PCDH15: variants seen among roughly 807,000 people sequenced by gnomAD.
PCDH15 encodes protocadherin-15.
PCDH15 carries 129 observed loss-of-function variants against 178.5 expected under a neutral mutation model. The observed-to-expected ratio is 0.72, with a 90% CI of 0.63 to 0.84. The LOEUF (loss-of-function observed/expected upper bound fraction) is 0.84, where lower values mean the gene tolerates loss of function less well. Among genes scored for constraint, PCDH15 ranks in the 40% least tolerant of loss-of-function variants. PCDH15 has a pLI of 0.00. For missense variants in PCDH15, 2,230 were observed against 2,099.9 expected, an observed-to-expected ratio of 1.06 and a Z score of -1.21; for synonymous variants, 800 against 732.0, an observed-to-expected ratio of 1.09 and a Z score of -1.50.
chr10:53,989,337 C>T (rs1342142562), intron 21 of PCDH15, among the ~76,000 whole-genome samples: 2 of 151,936 alleles, frequency 1.3e-5, no homozygotes, highest in Non-Finnish European at 2.9e-5. Context: ...AGAAAAATGC[C>T]CCTTTAGCTC....
At chr10:53,881,077 G>T (rs1025882481) in intron 26 of PCDH15, among the ~76,000 whole-genome samples, 1 of 152,024 alleles carries the variant, frequency 6.6e-6, no homozygotes. Context: ...TTTATAACAT[G>T]ATGTATTTTG....
At chr10:55,116,908 A>G (rs1451350886) in intron 2 of PCDH15, among the ~76,000 whole-genome samples, 2 of 152,188 alleles carry the variant, frequency 1.3e-5, no homozygotes, top group South Asian at 2.1e-4. Flanking sequence ...CTGAAGACAC[A>G]TGGAACAGAA....
At chr10:55,506,638 C>T (rs1045094092) in intron 2 of PCDH15, among the ~76,000 whole-genome samples, 2 of 151,438 alleles carry the variant, frequency 1.3e-5, no homozygotes, top group African/African-American at 2.4e-5. Context: ...ATTTTGAAAA[C>T]TCGACACTTT....
chr10:53,855,920 A>ATATATATATATATATGTGTGTGTGTGTG lies in PCDH15; in HGVS notation c.3806+1254_3806+1255insCACACACACACACATATATATATATATA, dbSNP rs1201156130. ...AGGTGATATGTATATATATATATATATGTATGTGTGTGTGTGTAATGAAAT... is the reference window on the plus strand; with the variant it reads ...AGGTGATATGTATATATATATATATATATATATATATATATGTGTGTGTGTGTGTGTATGTGTGTGTGTGTAATGAAAT... On this transcript the variant is annotated intron_variant, in intron 28 of 37. Transcript: ENST00000644397. Among the ~76,000 whole-genome samples the ATATATATATATATATGTGTGTGTGTGTG allele has an allele frequency of 1.6e-3, 230 of 140,368 alleles. 4 individuals carry two copies. Among genetic ancestry groups the ATATATATATATATATGTGTGTGTGTGTG allele is most frequent in the Admixed American group, 2.8e-3 (38 of 13,534 alleles). The allele number at this position is 140,368 out of a possible 152,430, so 92.1% of individuals were successfully genotyped here.
intron 2 of PCDH15, among the ~76,000 whole-genome samples, chr10:54,647,930 A>G (rs1590811936): frequency 6.6e-6 from 1 of 152,036 alleles, no homozygotes; most frequent in Non-Finnish European, 1.5e-5. Context: ...AAAAACAAAC[A>G]AAACAAATAA....
chr10:54,023,261 G>T lies in PCDH15; in HGVS notation c.2221-64C>A, dbSNP rs546047412. 3.4e-6 allele frequency: 5 copies of T among 1,456,518 alleles called. No individual in the cohort carries two copies. In the Admixed American group the frequency reaches 7.2e-5, roughly 21 times the overall value. The allele number at this position is 1,456,518 out of a possible 1,614,324, so 90.2% of individuals were successfully genotyped here. ...GTTTTGACGGGCTACTGTAAATGAA[G>T]GTAACAGTTAACAAATTATGGTATT... On this transcript the variant is annotated intron_variant, in intron 18 of 37. Coordinates refer to ENST00000644397, the MANE Select transcript of PCDH15 (RefSeq NM_001384140.1).
At chr10:54,263,756 T>C (rs981800025) in intron 8 of PCDH15, among the ~76,000 whole-genome samples, 6 of 73,474 alleles carry the variant, frequency 8.2e-5, no homozygotes, top group Admixed American at 5.4e-4. Flanking sequence ...TGATGGTTAA[T>C]ATTGAGTGTC....
intron 2 of PCDH15, among the ~76,000 whole-genome samples, chr10:54,580,402 A>T (rs567438046): frequency 2.6e-5 from 4 of 152,060 alleles, no homozygotes; most frequent in African/African-American, 9.7e-5. Flanking sequence ...CAACCTCCCC[A>T]AATTGAATCA....
intron 2 of PCDH15, among the ~76,000 whole-genome samples, chr10:55,033,829 C>T (rs369677257): frequency 3.9e-5 from 6 of 151,982 alleles, no homozygotes; most frequent in Admixed American, 1.3e-4. Flanking sequence ...GAAATTCAGG[C>T]GTTGCCAATG....
chr10:55,561,593 T>C (rs906868344), intron 2 of PCDH15, among the ~76,000 whole-genome samples: 2 of 151,920 alleles, frequency 1.3e-5, no homozygotes, highest in African/African-American at 2.4e-5. Flanking sequence ...AATAGGCCTC[T>C]TAATCCACTT....
At position 54,473,748 on chromosome 10, in the gene PCDH15, T is replaced by C. The variant is rs143075003; in HGVS notation, c.157+54064A>G. On this transcript the variant is annotated intron_variant, in intron 3 of 37. Transcript: ENST00000644397. ...AGGTTATTATTTTATTATCTTCAAG[T>C]AAACAAGAAATACATGAGTAACCCT... Among the ~76,000 whole-genome samples the C allele has an allele frequency of 5.3e-5, 8 of 152,002 alleles. No homozygotes were observed. In the East Asian group the frequency reaches 1.2e-3, roughly 22 times the overall value.
chr10:54,787,376 T>C (rs1312742330), intron 1 of PCDH15, among the ~76,000 whole-genome samples: 1 of 152,026 alleles, frequency 6.6e-6, no homozygotes, highest in Non-Finnish European at 1.5e-5. Flanking sequence ...GCATTTATTT[T>C]TCAAGTTTTG....
intron 3 of PCDH15, among the ~76,000 whole-genome samples, chr10:54,399,121 A>G (rs1239257837): frequency 1.3e-5 from 2 of 151,998 alleles, no homozygotes; most frequent in Non-Finnish European, 2.9e-5. Context: ...CTTTTTAGAA[A>G]CCATTTTGAA....
intron 14 of PCDH15, among the ~76,000 whole-genome samples, chr10:54,135,202 C>CAAA (rs11299964): frequency 2.5e-5 from 3 of 118,190 alleles, no homozygotes; most frequent in Admixed American, 9.2e-5. Flanking sequence ...GACTCTGTCT[C>CAAA]AAAAAAAAAA....
intron 1 of PCDH15, among the ~76,000 whole-genome samples, chr10:55,282,510 T>C (rs1389487031): frequency 1.3e-5 from 2 of 152,198 alleles, no homozygotes; most frequent in African/African-American, 2.4e-5. Context: ...TATACACATA[T>C]ATAAATTATC....
At chr10:54,358,792 A>G (rs1296978712) in intron 5 of PCDH15, among the ~76,000 whole-genome samples, 1 of 152,014 alleles carries the variant, frequency 6.6e-6, no homozygotes, top group Non-Finnish European at 1.5e-5. Flanking sequence ...CTGGATTAAG[A>G]AAATGTGGCA....
chr10:55,209,567 G>T (rs1177784322), intron 1 of PCDH15, among the ~76,000 whole-genome samples: 1 of 151,986 alleles, frequency 6.6e-6, no homozygotes, highest in Non-Finnish European at 1.5e-5. Context: ...TCATAACTTA[G>T]TATTGGTTTG....
intron 2 of PCDH15, among the ~76,000 whole-genome samples, chr10:54,965,169 G>T (rs1256236904): frequency 6.6e-6 from 1 of 152,106 alleles, no homozygotes; most frequent in East Asian, 1.9e-4. Context: ...ACAATATTTT[G>T]CAAGTAAGGT....
intron 2 of PCDH15, among the ~76,000 whole-genome samples, chr10:54,560,920 A>G (rs1345832730): frequency 6.6e-6 from 1 of 152,094 alleles, no homozygotes; most frequent in Non-Finnish European, 1.5e-5. Flanking sequence ...CCAGTTAGTA[A>G]CTTTATTATA....
Sources: gnomAD v4.1 joint callset for allele counts (sites outside exome capture counted in the v4.1 genomes callset) on GRCh38, gnomAD v4.1.1 for gene constraint, MANE v1.5 for transcripts, NCBI Gene and HGNC (gene_info 2026-07-23, HGNC 2026-07-21) for gene names.